Variants in DHX8 observed in about 807,000 individuals in gnomAD.
DHX8 encodes the protein DEAH-box helicase 8.
DHX8 carries 67 observed loss-of-function variants against 140.7 expected under a neutral mutation model. The ratio of observed to expected loss-of-function variants is 0.48; its 90% CI spans 0.39 to 0.58. The LOEUF is 0.58. DHX8 is among the 20% of genes least tolerant of loss of function. The pLI is 0.00. For synonymous variants in DHX8, 533 were observed against 553.2 expected (o/e 0.96, Z 0.51); for missense variants, 887 against 1,550.7 (o/e 0.57, Z 7.19).
At chr17:43,544,195 C>T (rs1304778466) in exon 4 of DHX8, 1 of 152,616 alleles carries the variant, frequency 6.6e-6, no homozygotes, top group African/African-American at 2.4e-5. Flanking sequence ...CCCACCAAAA[C>T]GCACTGAAGA....
Position 43,484,094 on chromosome 17 carries a change from G to C in DHX8, c.57G>C (p.Ala19=), listed in dbSNP as rs1598106684. Reference sequence around the variant, plus strand: ...TAATCGGGTCGGAGCCAGGCCCCGCGGAAGAACTTGCCAAACTCGAGTACC... The same window carrying C: ...TAATCGGGTCGGAGCCAGGCCCCGCCGAAGAACTTGCCAAACTCGAGTACC... ...GALIGSEPGP[A]EELAKLEYLS... The change falls in exon 1 of 23, where the codon GCG becomes GCC. Residue 19 remains alanine, a synonymous_variant. Coordinates refer to ENST00000262415, the MANE Select transcript of DHX8 (RefSeq NM_004941.3). 1.2e-6 allele frequency: 2 copies of C among 1,614,062 alleles called. No homozygotes were observed. The highest frequency in any genetic ancestry group is 1.7e-6 in the Non-Finnish European group (2 of 1,180,028).
In DHX8 at chr17:43,524,968, TC is replaced by T. The variant is rs1260212848; in HGVS notation, c.*1122del. The T allele has an allele frequency of 1.0e-6, 1 of 984,824 alleles. No individual in the cohort carries two copies. Among genetic ancestry groups the T allele is most frequent in the Non-Finnish European group, 1.2e-6 (1 of 829,596 alleles). 61.0% of individuals were successfully genotyped at this position (984,824 alleles called of 1,614,324 possible). On this transcript the variant is annotated 3_prime_UTR_variant, in exon 23 of 23. Coordinates refer to ENST00000262415, the MANE Select transcript of DHX8 (RefSeq NM_004941.3). ...GCTCCTGAGGAGGGTTTTTTTTTTT[TC>T]TTCCCATAGAGATGGGTTCCCACTG...
chr17:43,511,851 CA>C (rs1210970204), intron 16 of DHX8, among the ~76,000 whole-genome samples: 2,691 of 68,028 alleles, frequency 0.04, 50 homozygotes, highest in Admixed American at 0.1. Context: ...CCTATCTCTA[CA>C]AAAAAAAAAA....
intron 22 of DHX8, among the ~76,000 whole-genome samples, chr17:43,523,125 C>T (rs905701078): frequency 7.0e-6 from 1 of 143,352 alleles, no homozygotes; most frequent in African/African-American, 2.5e-5. Context: ...AAAAAAAAAA[C>T]TTGTTTTAAA....
At position 43,500,201 on chromosome 17, in the gene DHX8, T is replaced by G. The variant is rs146563852; in HGVS notation, c.1546+98T>G. On this transcript the variant is annotated intron_variant, in intron 11 of 22. Transcript: ENST00000262415. ...CCCGGCACACACTAAAAATTTACCC[T>G]TGGGCCGGGGCGGTGGCTCATGCCT... 2.5e-4 allele frequency: 349 copies of G among 1,396,586 alleles called. 3 individuals carry two copies. The East Asian group carries it at 7.5e-3, about 30-fold the overall frequency. The allele number at this position is 1,396,586 out of a possible 1,614,324, so 86.5% of individuals were successfully genotyped here.
rs4038474 is a variant in DHX8, at chr17:43,491,527, A to ATT, written c.393+288_393+289dup. Among the ~76,000 whole-genome samples, 684 of 147,866 alleles carry ATT rather than the reference A, an allele frequency of 4.6e-3. 8 individuals carry two copies. Among genetic ancestry groups the ATT allele is most frequent in the East Asian group, 0.027 (137 of 5,068 alleles). On this transcript the variant is annotated intron_variant, in intron 4 of 22. Coordinates refer to ENST00000262415, the MANE Select transcript of DHX8 (RefSeq NM_004941.3). ...ACAGATGCCTAAGGTGTGAAATTAG[A>ATT]TTTTTTTTTTTTGCTCTGTTACTTG...
chr17:43,518,158 A>G (rs1970204156), intron 18 of DHX8: 3 of 152,200 alleles, frequency 2.0e-5, no homozygotes, highest in Non-Finnish European at 2.9e-5. Context: ...TAATGTAGGT[A>G]AAGGCACTTG....
Position 43,521,355 on chromosome 17 carries a change from C to T in DHX8, c.3067-14C>T. On this transcript the variant is annotated splice_polypyrimidine_tract_variant and intron_variant, in intron 20 of 22. Transcript: ENST00000262415. The stretch of plus-strand genomic sequence containing the variant: ...GTTGAGTCGGAAATGTTCCTCTGTC[C>T]CACTGCTTGGCAGGATAAACAAGCC... 3.7e-6 allele frequency: 6 copies of T among 1,603,070 alleles called. No individual in the cohort carries two copies. The highest frequency in any genetic ancestry group is 5.1e-6 in the Non-Finnish European group (6 of 1,173,404).
At chr17:43,491,913 A>G (rs544848001) in intron 4 of DHX8, among the ~76,000 whole-genome samples, 61 of 152,318 alleles carry the variant, frequency 4.0e-4, no homozygotes, top group Non-Finnish European at 8.8e-5. Context: ...TAATATAATC[A>G]TCACTTGCAT....
At chr17:43,529,757 C>G (rs1164820350), downstream of DHX8, 16 of 1,590,012 alleles carry the variant, frequency 1.0e-5, no homozygotes, top group Non-Finnish European at 1.0e-5. Context: ...AGGGATTTCT[C>G]GAAGGGGTCT....
chr17:43,516,039 GA>G (rs920289668), intron 17 of DHX8, among the ~76,000 whole-genome samples: 1 of 151,886 alleles, frequency 6.6e-6, no homozygotes, highest in Non-Finnish European at 1.5e-5. Context: ...AAAAACAGAA[GA>G]AAAAAATTTA....
At chr17:43,520,640 T>G in intron 19 of DHX8, 111 bp from the exon 20 acceptor site, 2 of 1,310,378 alleles carry the variant, frequency 1.5e-6, no homozygotes, top group Non-Finnish European at 2.1e-6. Context: ...AAGGCATCAT[T>G]ATGCTTTGGG....
intron 7 of DHX8, 25 bp from the exon 8 acceptor site, chr17:43,493,658 C>G: frequency 1.2e-6 from 2 of 1,614,002 alleles, no homozygotes; most frequent in Non-Finnish European, 8.5e-7. Context: ...GCAAGTGAGA[C>G]AGCTCCCTTG....
intron 12 of DHX8, 44 bp downstream of exon 12, chr17:43,504,869 G>A: frequency 1.3e-6 from 2 of 1,534,030 alleles, no homozygotes; most frequent in Non-Finnish European, 1.8e-6. Flanking sequence ...TAGGGTTATT[G>A]TCTAAAAGAG....
intron 3 of DHX8, among the ~76,000 whole-genome samples, chr17:43,539,579 G>A (rs985528475): frequency 2.6e-5 from 4 of 152,186 alleles, no homozygotes; most frequent in Non-Finnish European, 5.9e-5. Context: ...CCCAGCACAG[G>A]GTTAGAGTAG....
chr17:43,525,567 GAC>G lies in DHX8; in HGVS notation c.*1722_*1723del, dbSNP rs1970585095. ...TAACCTTGAAGGCCTTCTGGGGAGA[GAC>G]AGTACAGGGACCTCAAATGAAACCA... On this transcript the variant is annotated 3_prime_UTR_variant, in exon 23 of 23. Transcript: ENST00000262415. 1.0e-6 allele frequency: 1 copy of G among 985,360 alleles called. No individual in the cohort carries two copies. The highest frequency in any genetic ancestry group is 1.7e-5 in the African/African-American group (1 of 57,222). 61.0% of individuals were successfully genotyped at this position (985,360 alleles called of 1,614,324 possible).
Position 43,490,394 on chromosome 17 carries a change from T to C in DHX8, c.238T>C (p.Ser80Pro). The C allele has an allele frequency of 6.2e-7, 1 of 1,612,596 alleles. No homozygotes were observed. The highest frequency in any genetic ancestry group is 8.5e-7 in the Non-Finnish European group (1 of 1,179,552). Residue 80 changes from serine (S) to proline (P), a missense_variant, in exon 3 of 23, where the codon TCT becomes CCT. Physicochemically the swap from Ser to Pro is moderately conservative, Grantham distance 74. Coordinates refer to ENST00000262415, the MANE Select transcript of DHX8 (RefSeq NM_004941.3). ...LVKNGAEFTD[S>P]LISNLLRLIQ... Reference sequence around the variant, plus strand: ...CGTTCTATGTTTCTTTTCAAAGGATTCTCTTATTAGTAACTTGCTGCGTCT... The same window carrying C: ...CGTTCTATGTTTCTTTTCAAAGGATCCTCTTATTAGTAACTTGCTGCGTCT...
chr17:43,511,192 T>G (rs1311225931), intron 16 of DHX8, among the ~76,000 whole-genome samples: 4 of 151,826 alleles, frequency 2.6e-5, no homozygotes, highest in Non-Finnish European at 5.9e-5. Flanking sequence ...TAGCCAGGCG[T>G]GGTGGCGGGT....
At chr17:43,504,406 C>A (rs1969377067) in intron 11 of DHX8, among the ~76,000 whole-genome samples, 1 of 152,212 alleles carries the variant, frequency 6.6e-6, no homozygotes, top group Admixed American at 6.6e-5. Context: ...CTTCTCTCAA[C>A]TAACCTTTTT....
Sources: allele counts gnomAD v4.1 joint callset (sites outside exome capture counted in the v4.1 genomes callset), GRCh38; gene constraint gnomAD v4.1.1; transcripts MANE v1.5; gene names NCBI Gene and HGNC (gene_info 2026-07-23, HGNC 2026-07-21).